CPLANE1: variants seen among roughly 807,000 people sequenced by gnomAD.
The protein encoded by CPLANE1 is ciliogenesis and planar polarity effector complex subunit 1.
In CPLANE1, 263 loss-of-function variants were observed where a neutral mutation model predicts 362.5. The ratio of observed to expected loss-of-function variants is 0.73; its 90% CI spans 0.66 to 0.80. The LOEUF (loss-of-function observed/expected upper bound fraction) is 0.80. Ranked by LOEUF, CPLANE1 falls within the 30% of genes least tolerant of loss-of-function variation. CPLANE1 has a pLI of 0.00. For missense variants in CPLANE1, 3,461 were observed against 3,793.4 expected, an observed-to-expected ratio of 0.91 and a Z score of 2.30; for synonymous variants, 1,212 against 1,302.6, an observed-to-expected ratio of 0.93 and a Z score of 1.50.
the CPLANE1 span, among the ~76,000 whole-genome samples, chr5:37,086,229 A>G: frequency 1.3e-5 from 2 of 152,204 alleles, no homozygotes; most frequent in Admixed American, 6.5e-5. Flanking sequence ...ATTCCATCCA[A>G]CAACCACAGA....
Position 37,183,428 on chromosome 5 carries a change from T to C in CPLANE1, c.4753A>G (p.Arg1585Gly). ...AGTAAAGAATTAAGTTCATGTTCTC[T>C]AAGCTTTCCAGAAAAACTAGTTAGA... ...PFLTSFSGKL[R>G]EHELNSLLFD... is the part of the protein sequence containing the mutation. The change falls in exon 26 of 53, where the codon AGA (arginine) becomes GGA (glycine). Residue 1585 changes from arginine to glycine, a missense_variant. Coordinates refer to ENST00000651892, the MANE Select transcript of CPLANE1 (RefSeq NM_001384732.1). 1 of 1,613,786 alleles carries C rather than the reference T, an allele frequency of 6.2e-7. No individual in the cohort carries two copies. The highest frequency in any genetic ancestry group is 8.5e-7 in the Non-Finnish European group (1 of 1,179,820).
rs1282218664 is a variant in CPLANE1, at chr5:37,245,804, A to T, written c.123T>A (p.Asn41Lys). The T allele has an allele frequency of 6.5e-7, 1 of 1,528,912 alleles. No homozygotes were observed. Among genetic ancestry groups the T allele is most frequent in the Non-Finnish European group, 8.8e-7 (1 of 1,139,588 alleles). 94.7% of individuals were successfully genotyped at this position (1,528,912 alleles called of 1,614,324 possible). Reference protein sequence around the residue: ...AVFLLDDKFINEINLLSGKIK... With the variant: ...AVFLLDDKFIKEINLLSGKIK... ...TCTTTCCTGATAGCAAATTAATTTC[A>T]TTTATGAATTTATCATCCAAAAGAA... Residue 41 changes from asparagine to lysine, a missense_variant, in exon 3 of 53, where the codon AAT becomes AAA. By Grantham distance (94) the Asn-to-Lys change is moderately conservative. Transcript: ENST00000651892.
Position 37,221,327 on chromosome 5 carries a change from A to G in CPLANE1, c.2743T>C (p.Ser915Pro). Reference sequence around the variant, plus strand: ...AGAAAGAAAAAAAAAAGCATACCTGAAAAATCTTTATTTTCTTTTACAGGT... The same window carrying G: ...AGAAAGAAAAAAAAAAGCATACCTGGAAAATCTTTATTTTCTTTTACAGGT... ...QLPVKENKDF[S>P]GAAKSHFECG... Residue 915 changes from serine (S) to proline (P), a missense_variant, in exon 15 of 53, where the codon TCA (serine) becomes CCA (proline). Around this residue, in one of 2 missense-constraint regions of CPLANE1, gnomAD observed 3,380 missense variants for 3,666.1 expected, o/e 0.92. Coordinates refer to ENST00000651892, the MANE Select transcript of CPLANE1 (RefSeq NM_001384732.1). 1.3e-6 allele frequency: 2 copies of G among 1,492,648 alleles called. No homozygotes were observed. Among genetic ancestry groups the G allele is most frequent in the East Asian group, 5.1e-5 (2 of 39,442 alleles). The allele number at this position is 1,492,648 out of a possible 1,614,324, so 92.5% of individuals were successfully genotyped here.
At chr5:37,086,666 T>C in the CPLANE1 span, among the ~76,000 whole-genome samples, 1 of 152,196 alleles carries the variant, frequency 6.6e-6, no homozygotes, top group African/African-American at 2.4e-5. Flanking sequence ...GATTACCCTC[T>C]AATGGTGTTT....
intron 46 of CPLANE1, among the ~76,000 whole-genome samples, chr5:37,136,351 C>T (rs1303301208): frequency 6.6e-6 from 1 of 152,238 alleles, no homozygotes; most frequent in Non-Finnish European, 1.5e-5. Context: ...TGTCTCACAT[C>T]CAGGTCATGC....
chr5:37,117,280 GA>G (rs1215097694), intron 50 of CPLANE1, among the ~76,000 whole-genome samples: 1 of 150,896 alleles, frequency 6.6e-6, no homozygotes, highest in Non-Finnish European at 1.5e-5. Context: ...ATGAGCAAGG[GA>G]ATACTGCTGC....
At chr5:37,187,981 T>A in intron 21 of CPLANE1, 139 bp from the exon 22 acceptor site, 1 of 478,458 alleles carries the variant, frequency 2.1e-6, no homozygotes, top group Non-Finnish European at 3.7e-6. Flanking sequence ...ATGCTCATTG[T>A]AAATTTATAT....
intron 38 of CPLANE1, among the ~76,000 whole-genome samples, chr5:37,159,775 C>T (rs10072064): frequency 0.15 from 22,246 of 152,006 alleles, 1,920 homozygotes; most frequent in African/African-American, 0.23. Flanking sequence ...TTGGTTTAAC[C>T]GCTTTTTTAA....
At chr5:37,114,289 T>C (rs947898501) in intron 51 of CPLANE1, among the ~76,000 whole-genome samples, 1 of 152,210 alleles carries the variant, frequency 6.6e-6, no homozygotes, top group Non-Finnish European at 1.5e-5. Flanking sequence ...GCTACTATTG[T>C]TATTGTTTTA....
chr5:37,157,420 T>C lies in CPLANE1; in HGVS notation c.8012A>G (p.Glu2671Gly), dbSNP rs781411804. ...TCCATCCAGACAAGCTGGAGTTACT[T>C]CTGCAGGTTTAGAAAATAAATCCAT... ...AVPPHNFKSQ[E>G]VTPACLDGKS... Residue 2671 changes from glutamate (E) to glycine (G), a missense_variant and splice_region_variant, in exon 41 of 53, where the codon GAA (glutamate) becomes GGA (glycine). Coordinates refer to ENST00000651892, the MANE Select transcript of CPLANE1 (RefSeq NM_001384732.1). 9 of 1,478,344 alleles carry C rather than the reference T, an allele frequency of 6.1e-6. No individual in the cohort carries two copies. The highest frequency in any genetic ancestry group is 2.9e-5 in the East Asian group (1 of 33,930). The allele number at this position is 1,478,344 out of a possible 1,614,324, so 91.6% of individuals were successfully genotyped here. A position where few individuals can be genotyped will look rare whatever the true frequency, so the allele number is the denominator to read the frequency against.
chr5:37,080,542 A>G, the CPLANE1 span, among the ~76,000 whole-genome samples: 8 of 152,248 alleles, frequency 5.3e-5, no homozygotes, highest in African/African-American at 1.9e-4. Context: ...GTCAGGCTTG[A>G]CATTATCTTG....
the CPLANE1 span, chr5:37,084,967 T>C: frequency 5.5e-6 from 3 of 547,570 alleles, no homozygotes; most frequent in African/African-American, 5.7e-5. Context: ...GCTATTTTTA[T>C]ATCAGACAAA....
intron 43 of CPLANE1, among the ~76,000 whole-genome samples, chr5:37,145,482 A>G (rs955235601): frequency 2.0e-5 from 3 of 152,100 alleles, no homozygotes; most frequent in Non-Finnish European, 4.4e-5. Flanking sequence ...TGCAGTGGCT[A>G]TTCACAGGTG....
At position 37,173,764 on chromosome 5, in the gene CPLANE1, T is replaced by C; in HGVS notation, c.6162A>G (p.Lys2054=). Residue 2054 remains lysine, a synonymous_variant, in exon 32 of 53, where the codon AAA becomes AAG. Coordinates refer to ENST00000651892, the MANE Select transcript of CPLANE1 (RefSeq NM_001384732.1). ...ATAGAGATGTGCTTACCTGAACTAATTTAAACATTTCATCTTGCAGCATCT... is the reference window on the plus strand; with the variant it reads ...ATAGAGATGTGCTTACCTGAACTAACTTAAACATTTCATCTTGCAGCATCT... ...VRQMLQDEMF[K]LVQLQQINFM... 6.2e-7 allele frequency: 1 copy of C among 1,614,050 alleles called. No homozygotes were observed. The highest frequency in any genetic ancestry group is 8.5e-7 in the Non-Finnish European group (1 of 1,179,926).
At chr5:37,121,451 T>A (rs781761071) in intron 49 of CPLANE1, among the ~76,000 whole-genome samples, 166 bp downstream of exon 49, 6 of 152,230 alleles carry the variant, frequency 3.9e-5, no homozygotes, top group Non-Finnish European at 5.9e-5. Context: ...GGTGATTCTA[T>A]CAATGTATAA....
chr5:37,177,583 A>G (rs1781524678), intron 30 of CPLANE1, 38 bp downstream of exon 30: 2 of 1,427,522 alleles, frequency 1.4e-6, no homozygotes, highest in South Asian at 2.3e-5. Context: ...CACTGAGGTA[A>G]CCAGTGACAA....
chr5:37,170,036 A>T lies in CPLANE1; in HGVS notation c.6462+5T>A. ...AGCCATTAATGGTATTTTTACATAC[A>T]TTACCTGTACGTTTCCAGTACTATT... On this transcript the variant is annotated splice_donor_5th_base_variant and intron_variant, in intron 33 of 52. Coordinates refer to ENST00000651892, the MANE Select transcript of CPLANE1 (RefSeq NM_001384732.1). The T allele has an allele frequency of 6.2e-7, 1 of 1,612,732 alleles. No homozygotes were observed. Among genetic ancestry groups the T allele is most frequent in the Non-Finnish European group, 8.5e-7 (1 of 1,179,122 alleles).
At chr5:37,148,306 C>T (rs769822322) in intron 42 of CPLANE1, 38 bp from the exon 43 acceptor site, 5 of 1,368,808 alleles carry the variant, frequency 3.7e-6, no homozygotes, top group Non-Finnish European at 5.1e-6. Context: ...AACAGTAATA[C>T]TTTGATAATT....
At chr5:37,086,678 C>T in the CPLANE1 span, among the ~76,000 whole-genome samples, 1 of 152,176 alleles carries the variant, frequency 6.6e-6, no homozygotes, top group East Asian at 1.9e-4. Context: ...ATGGTGTTTA[C>T]TTGAGACTTT....
Sources: allele counts gnomAD v4.1 joint callset (sites outside exome capture counted in the v4.1 genomes callset), GRCh38; gene constraint gnomAD v4.1.1; regional missense constraint gnomAD v4.1.1; transcripts MANE v1.5; gene names NCBI Gene and HGNC (gene_info 2026-07-23, HGNC 2026-07-21).